The following HSPA12A variants were observed in gnomAD, a reference collection of about 807,000 sequenced individuals.
The protein encoded by HSPA12A is heat shock protein family A (Hsp70) member 12A, also known as heat shock 70 kDa protein 12A.
A neutral mutation model predicts 69.2 loss-of-function variants in HSPA12A; 28 were observed. That is an observed-to-expected ratio of 0.40 (90% CI 0.30 to 0.55). HSPA12A has a LOEUF of 0.55. Ranked by LOEUF, HSPA12A falls within the 20% of genes least tolerant of loss-of-function variation. The pLI is 0.38. For synonymous variants in HSPA12A, 345 were observed against 370.5 expected (o/e 0.93, Z 0.79); for missense variants, 686 against 900.7 (o/e 0.76, Z 3.05).
At chr10:116,816,534 C>T (rs752293319) in intron 2 of HSPA12A, among the ~76,000 whole-genome samples, 6 of 152,238 alleles carry the variant, frequency 3.9e-5, no homozygotes, top group Non-Finnish European at 7.3e-5. Context: ...GCAGAGAAGG[C>T]GCCATGTGGC....
At chr10:116,706,196 CTTT>C (rs5788187) in intron 2 of HSPA12A, among the ~76,000 whole-genome samples, 5 of 146,424 alleles carry the variant, frequency 3.4e-5, no homozygotes, top group African/African-American at 1.0e-4. Flanking sequence ...CGCCTGGCCT[CTTT>C]TTTTTTTTTT....
intron 1 of HSPA12A, among the ~76,000 whole-genome samples, chr10:116,835,883 T>C (rs530222806): frequency 2.6e-5 from 4 of 152,282 alleles, no homozygotes; most frequent in African/African-American, 9.6e-5. Flanking sequence ...TGGTGGTGAA[T>C]GCCTGTGAGT....
rs1458463936 is a variant in HSPA12A, at chr10:116,702,662, T to C, written c.255-1533A>G. ...CTGCCCTTCACAAATGGAATTGTCATTAACAGTGACATTATCAGTAGAGAA... is the reference window on the plus strand; with the variant it reads ...CTGCCCTTCACAAATGGAATTGTCACTAACAGTGACATTATCAGTAGAGAA... On this transcript the variant is annotated intron_variant, in intron 3 of 11. Transcript: ENST00000369209. Among the ~76,000 whole-genome samples the C allele has an allele frequency of 4.6e-5, 7 of 152,204 alleles. No individual in the cohort carries two copies. In the East Asian group the frequency reaches 1.3e-3, roughly 29 times the overall value.
At chr10:116,715,888 G>A (rs1296137467) in intron 1 of HSPA12A, among the ~76,000 whole-genome samples, 1 of 152,206 alleles carries the variant, frequency 6.6e-6, no homozygotes, top group Non-Finnish European at 1.5e-5. Flanking sequence ...GTCTCAGGGT[G>A]GGTGAAGGGC....
At position 116,692,427 on chromosome 10, in the gene HSPA12A, T is replaced by C. The variant is rs1554880263; in HGVS notation, c.587A>G (p.Asp196Gly). The part of the protein sequence containing the change: ...DQAGSEFENS[D>G]VRWVITVPAI... The stretch of plus-strand genomic sequence containing the variant: ...AGGCACCGTGATGACCCATCTGACA[T>C]CAGAGTTCTCGAACTCCGAACCCGC... The change falls in exon 6 of 12, where the codon GAT becomes GGT. Residue 196 changes from aspartate (D) to glycine (G), a missense_variant. By Grantham distance (94) the Asp-to-Gly change is moderately conservative (BLOSUM62 -1). Coordinates refer to ENST00000369209, the MANE Select transcript of HSPA12A (RefSeq NM_025015.3). 2.5e-6 allele frequency: 4 copies of C among 1,614,022 alleles called. No homozygotes were observed. In the Admixed American group the frequency reaches 6.7e-5, roughly 27 times the overall value.
chr10:116,836,920 C>CCAGTGTG (rs11281986), intron 1 of HSPA12A, among the ~76,000 whole-genome samples: 9,580 of 152,070 alleles, frequency 0.063, 971 homozygotes, highest in African/African-American at 0.21. Flanking sequence ...CATATAGGGT[C>CCAGTGTG]CAGTGTGATT....
chr10:116,786,289 T>C (rs915031350), intron 2 of HSPA12A, among the ~76,000 whole-genome samples: 14 of 152,300 alleles, frequency 9.2e-5, no homozygotes, highest in Admixed American at 9.1e-4. Flanking sequence ...ACTATATTTT[T>C]GGTAATTTGG....
chr10:116,693,848 C>T (rs1340778778), intron 5 of HSPA12A, among the ~76,000 whole-genome samples: 2 of 152,184 alleles, frequency 1.3e-5, no homozygotes, highest in Non-Finnish European at 2.9e-5. Context: ...TTTTTAAGTG[C>T]ACAGTTAAGT....
chr10:116,777,277 C>G (rs898043097), intron 2 of HSPA12A, among the ~76,000 whole-genome samples: 2 of 152,242 alleles, frequency 1.3e-5, no homozygotes, highest in Non-Finnish European at 2.9e-5. Flanking sequence ...CAGGCATGGC[C>G]TGTCACACTG....
At chr10:116,676,583 G>A in intron 10 of HSPA12A, 81 bp from the exon 11 acceptor site, 1 of 1,097,992 alleles carries the variant, frequency 9.1e-7, no homozygotes. Context: ...CACCTGCCCT[G>A]GCAGAACATC....
In HSPA12A at chr10:116,723,977, C is replaced by A. The variant is rs1850868560; in HGVS notation, c.41-16692G>T. On this transcript the variant is annotated intron_variant, in intron 1 of 11. Transcript: ENST00000369209. This position sits in a 1 kb window ranked among gnomAD's most constrained non-coding sequence, Gnocchi z 4.1. ...TGCTGAGCCATCCATGGCTGCATGG[C>A]CCCAACAGAGGCGTATCGGGCAGCA... is the stretch of plus-strand genomic sequence containing the variant. Among the ~76,000 whole-genome samples the A allele has an allele frequency of 6.6e-6, 1 of 152,206 alleles. No individual in the cohort carries two copies. Among genetic ancestry groups the A allele is most frequent in the Admixed American group, 6.5e-5 (1 of 15,288 alleles).
intron 2 of HSPA12A, among the ~76,000 whole-genome samples, chr10:116,781,746 C>T (rs1844469124): frequency 6.6e-6 from 1 of 152,284 alleles, no homozygotes; most frequent in Middle Eastern, 3.4e-3. Flanking sequence ...ACACCGAGTG[C>T]CTGAGGGTCT....
At chr10:116,699,645 C>T (rs1850022631) in intron 4 of HSPA12A, among the ~76,000 whole-genome samples, 1 of 152,208 alleles carries the variant, frequency 6.6e-6, no homozygotes, top group Non-Finnish European at 1.5e-5. Context: ...TCCTCCCAGC[C>T]AGCTGCCTTC....
chr10:116,717,675 C>T (rs1358142979), intron 1 of HSPA12A, among the ~76,000 whole-genome samples: 2 of 152,134 alleles, frequency 1.3e-5, no homozygotes, highest in Admixed American at 6.5e-5. Flanking sequence ...ATTATTGTTA[C>T]CATCATCATT....
chr10:116,750,551 G>A lies in HSPA12A; in HGVS notation c.92-43266C>T, dbSNP rs115155732. 674 of 374,358 alleles carry A rather than the reference G, an allele frequency of 1.8e-3. 3 individuals are homozygous for A. The highest frequency in any genetic ancestry group is 0.013 in the African/African-American group (629 of 47,824). The allele number at this position is 374,358 out of a possible 1,614,324, so 23.2% of individuals were successfully genotyped here. Reference sequence around the variant, plus strand: ...TTTCCTAACAGAAGAAGATGAAGATGCTTACAAAAAACAGTCCTCTCAATA... The same window carrying A: ...TTTCCTAACAGAAGAAGATGAAGATACTTACAAAAAACAGTCCTCTCAATA... On this transcript the variant is annotated intron_variant, in intron 2 of 12. Coordinates refer to the HSPA12A transcript ENST00000635765.
At chr10:116,712,939 G>C (rs1362195502) in intron 1 of HSPA12A, among the ~76,000 whole-genome samples, 2 of 134,972 alleles carry the variant, frequency 1.5e-5, no homozygotes, top group Non-Finnish European at 3.1e-5. Context: ...ATTTGAAAAG[G>C]AGTTTTAAGG....
chr10:116,742,626 CCCCGGGCCCCGCCCCGGCCCG>C, upstream of HSPA12A: 8 of 1,024,330 alleles, frequency 7.8e-6, no homozygotes, highest in Non-Finnish European at 9.4e-6. Context: ...CACGGCTCCT[CCCCGGGCCCCGCCCCGGCCCG>C]CCCGGCGCCC....
chr10:116,806,152 T>C (rs1291977603), intron 2 of HSPA12A, among the ~76,000 whole-genome samples: 1 of 152,194 alleles, frequency 6.6e-6, no homozygotes, highest in Non-Finnish European at 1.5e-5. Flanking sequence ...CATCTTTCCC[T>C]AGCATGAGTG....
At chr10:116,842,426 C>T (rs761651372) in intron 1 of HSPA12A, among the ~76,000 whole-genome samples, 2 of 152,072 alleles carry the variant, frequency 1.3e-5, no homozygotes, top group Non-Finnish European at 2.9e-5. Flanking sequence ...GTTTATTTTG[C>T]TATTTTTATA....
Sources: gnomAD v4.1 joint callset for allele counts (sites outside exome capture counted in the v4.1 genomes callset) on GRCh38, gnomAD v4.1.1 for gene constraint, Gnocchi (gnomAD v3.1) non-coding constraint, MANE v1.5 for transcripts, NCBI Gene and HGNC (gene_info 2026-07-23, HGNC 2026-07-21) for gene names.